SYTL2: variants seen among roughly 807,000 people sequenced by gnomAD.
SYTL2 encodes synaptotagmin like 2, also known as synaptotagmin-like protein 2.
SYTL2 carries 165 observed loss-of-function variants against 198.7 expected under a neutral mutation model. The ratio of observed to expected loss-of-function variants is 0.83; its 90% CI spans 0.73 to 0.94. The LOEUF is 0.94. Ranked by LOEUF, SYTL2 falls within the 40% of genes least tolerant of loss-of-function variation. The probability of loss-of-function intolerance (pLI) is 0.00; values close to 1 mark genes in which losing one functional copy is unlikely to be tolerated. For synonymous variants in SYTL2, 966 were observed against 917.7 expected, an observed-to-expected ratio of 1.05 and a Z score of -0.95; for missense variants, 2,835 against 2,582.8, an observed-to-expected ratio of 1.10 and a Z score of -2.12.
rs751449426 is a variant in SYTL2 at position 85,748,292 on chromosome 11, T to A, written c.233A>T (p.Lys78Met). ...CTCACCTGCTATCTGGGGCCTCTTC[T>A]TTCTCATAGATGCTCTGATGATATC... ...GADIIRASMR[K>M]KRPQIAAEQS... The change falls in exon 3 of 20, where the codon AAG becomes ATG. Residue 78 changes from lysine (K) to methionine (M), a missense_variant. This residue lies in a region of SYTL2 where 2,645 missense variants were observed against 2,381.7 expected (regional missense o/e 1.11). Coordinates refer to ENST00000359152, the MANE Select transcript of SYTL2 (RefSeq NM_206927.4). 1 of 1,613,688 alleles carries A rather than the reference T, an allele frequency of 6.2e-7. No individual in the cohort carries two copies. The highest frequency in any genetic ancestry group is 1.1e-5 in the South Asian group (1 of 90,996).
chr11:85,796,386 T>C (rs968255368), intron 1 of SYTL2, among the ~76,000 whole-genome samples: 2 of 152,282 alleles, frequency 1.3e-5, no homozygotes, highest in African/African-American at 4.8e-5. Flanking sequence ...GCAGGAAAAA[T>C]GTCCCAAGAA....
chr11:85,709,252 T>G, intron 14 of SYTL2, 79 bp downstream of exon 14: 1 of 1,420,262 alleles, frequency 7.0e-7, no homozygotes, highest in Non-Finnish European at 9.9e-7. Flanking sequence ...TCCTCTTGAT[T>G]ACTTTATTTC....
intron 6 of SYTL2, 45 bp from the exon 7 acceptor site, chr11:85,734,787 T>C: frequency 8.0e-6 from 11 of 1,370,598 alleles, no homozygotes; most frequent in South Asian, 1.4e-5. Flanking sequence ...TAGAGAGTAA[T>C]ATATAATTTA....
chr11:85,710,546 C>G (rs981612103), intron 13 of SYTL2, among the ~76,000 whole-genome samples: 29 of 152,276 alleles, frequency 1.9e-4, no homozygotes, highest in African/African-American at 6.0e-4. Context: ...ATACTACATG[C>G]ACATACAACT....
intron 8 of SYTL2, among the ~76,000 whole-genome samples, chr11:85,722,239 C>T (rs148420972): frequency 0.024 from 3,147 of 130,962 alleles, 69 homozygotes; most frequent in Admixed American, 0.051. Context: ...AGTGCAGTGG[C>T]GTGATCTCGA....
the SYTL2 span, chr11:85,852,996 G>A: frequency 9.3e-3 from 3,040 of 325,414 alleles, 90 homozygotes; most frequent in African/African-American, 0.065. Context: ...CGCCCCGTCT[G>A]AGAAGTGAGG....
chr11:85,793,549 G>A (rs1459159489), intron 1 of SYTL2, among the ~76,000 whole-genome samples: 1 of 152,150 alleles, frequency 6.6e-6, no homozygotes, highest in Non-Finnish European at 1.5e-5. Context: ...ATTTCTCAAA[G>A]AGGCAGACAG....
At chr11:85,850,839 T>C in the SYTL2 span, among the ~76,000 whole-genome samples, 64 of 149,842 alleles carry the variant, frequency 4.3e-4, no homozygotes, top group East Asian at 0.011. Flanking sequence ...TGGAATACTA[T>C]GCAGCCATAA....
chr11:85,700,430 C>T, intron 17 of SYTL2, 85 bp downstream of exon 17: 1 of 1,072,742 alleles, frequency 9.3e-7, no homozygotes, highest in Non-Finnish European at 1.4e-6. Flanking sequence ...TCTTTAGGGC[C>T]TCACCTTTGA....
intron 1 of SYTL2, among the ~76,000 whole-genome samples, chr11:85,776,346 C>T (rs921525637): frequency 6.6e-6 from 1 of 152,166 alleles, no homozygotes; most frequent in African/African-American, 2.4e-5. Context: ...GTTTGCTGCA[C>T]CCATCAACCC....
At chr11:85,845,581 A>C in the SYTL2 span, among the ~76,000 whole-genome samples, 1 of 152,256 alleles carries the variant, frequency 6.6e-6, no homozygotes, top group Non-Finnish European at 1.5e-5. Context: ...TGGGCAACAC[A>C]GAGAGACCTG....
At chr11:85,789,372 A>G (rs868551474) in intron 1 of SYTL2, among the ~76,000 whole-genome samples, 757 of 41,758 alleles carry the variant, frequency 0.018, 8 homozygotes, top group Non-Finnish European at 0.023. Flanking sequence ...ATATATATAT[A>G]TATATGTATA....
upstream of SYTL2, among the ~76,000 whole-genome samples, chr11:85,811,823 G>C (rs989886842): frequency 2.6e-5 from 4 of 152,252 alleles, no homozygotes; most frequent in East Asian, 7.7e-4. Flanking sequence ...TATTGTGGTC[G>C]GGCGCGGTGG....
At chr11:85,830,797 C>G in the SYTL2 span, among the ~76,000 whole-genome samples, 2 of 152,164 alleles carry the variant, frequency 1.3e-5, no homozygotes, top group Non-Finnish European at 2.9e-5. Context: ...GAAACTTACT[C>G]ATTAACACAT....
At chr11:85,813,034 ATACATGCTGTTCCCAG>A (rs1488624527), upstream of SYTL2, among the ~76,000 whole-genome samples, 26 of 152,168 alleles carry the variant, frequency 1.7e-4, no homozygotes, top group African/African-American at 6.0e-4. Flanking sequence ...AAGGAACTAA[ATACATGCTGTTCCCAG>A]TATCACTCGT....
At chr11:85,834,908 C>G in the SYTL2 span, among the ~76,000 whole-genome samples, 1 of 151,994 alleles carries the variant, frequency 6.6e-6, no homozygotes, top group African/African-American at 2.4e-5. Flanking sequence ...TACAGGTACA[C>G]ACCACCATGC....
intron 1 of SYTL2, among the ~76,000 whole-genome samples, chr11:85,794,092 A>G (rs1592054917): frequency 6.6e-6 from 1 of 151,376 alleles, no homozygotes; most frequent in Non-Finnish European, 1.5e-5. Context: ...CTGGTCTTGA[A>G]CTCCTGGGCT....
Position 85,726,972 on chromosome 11 carries a change from T to C in SYTL2, c.2386A>G (p.Ile796Val), listed in dbSNP as rs1373894954. Residue 796 changes from isoleucine (I) to valine (V), a missense_variant, in exon 8 of 20, where the codon ATA becomes GTA. This residue lies in a region of SYTL2 where 2,645 missense variants were observed against 2,381.7 expected (regional missense o/e 1.11). Transcript: ENST00000359152. ...GCTTTCTCTCCTTCCCAAAAGGATA[T>C]TCTGTCACTCACTCTTTTGTATTTC... ...REKYKRVSDR[I>V]SFWEGEKAGA... 3 of 1,536,694 alleles carry C rather than the reference T, an allele frequency of 2.0e-6. No individual in the cohort carries two copies. Among genetic ancestry groups the C allele is most frequent in the Admixed American group, 3.9e-5 (2 of 50,998 alleles).
chr11:85,696,090 GT>G, intron 19 of SYTL2, 92 bp downstream of exon 19: 1 of 1,017,730 alleles, frequency 9.8e-7, no homozygotes, highest in Non-Finnish European at 1.5e-6. Flanking sequence ...GGATATCTCG[GT>G]TTTCACTGGG....
Sources: allele counts gnomAD v4.1 joint callset (sites outside exome capture counted in the v4.1 genomes callset), GRCh38; gene constraint gnomAD v4.1.1; regional missense constraint gnomAD v4.1.1; transcripts MANE v1.5; gene names NCBI Gene and HGNC (gene_info 2026-07-23, HGNC 2026-07-21).